Variants in SETMAR observed in about 807,000 individuals in gnomAD.
The protein encoded by SETMAR is SET and mariner transposase domain methyltransferase, also known as histone-lysine N-methyltransferase SETMAR.
Under a neutral mutation model 58.4 loss-of-function variants are expected in SETMAR, and 44 were observed. The ratio of observed to expected loss-of-function variants is 0.75; its 90% CI spans 0.59 to 0.97. The LOEUF is 0.97. Ranked by LOEUF, SETMAR falls within the 50% of genes least tolerant of loss-of-function variation. The probability of loss-of-function intolerance (pLI) is 0.00; values close to 1 mark genes in which losing one functional copy is unlikely to be tolerated. For missense variants in SETMAR, 903 were observed against 840.2 expected (o/e 1.07, Z -0.92); for synonymous variants, 332 against 307.4 (o/e 1.08, Z -0.84).
rs199895009 is a variant in SETMAR at position 4,313,861 on chromosome 3, ATG to A, written c.1020+103_1020+104del. 5.3e-5 allele frequency: 83 copies of A among 1,557,802 alleles called. 1 individual carries two copies. In the East Asian group the frequency reaches 1.8e-3, roughly 34 times the overall value. On this transcript the variant is annotated intron_variant, in intron 2 of 2. Transcript: ENST00000358065. ...CTAGTTACATAAGTTTAACTCAGGA[ATG>A]TGGCAGAGACTGCAAGTTGTCCATC...
At chr3:4,311,353 A>C (rs1308833578) in intron 1 of SETMAR, among the ~76,000 whole-genome samples, 2 of 152,220 alleles carry the variant, frequency 1.3e-5, no homozygotes, top group South Asian at 4.1e-4. Flanking sequence ...GACGTGGTGC[A>C]AACATTCCTT....
chr3:4,316,977 C>A lies in SETMAR; in HGVS notation c.1786C>A (p.Gln596Lys). The A allele has an allele frequency of 6.5e-7, 1 of 1,549,408 alleles. No individual in the cohort carries two copies. The highest frequency in any genetic ancestry group is 8.7e-7 in the Non-Finnish European group (1 of 1,146,754). The change falls in exon 3 of 3, where the codon CAA (glutamine) becomes AAA (lysine). Residue 596 changes from glutamine (Q) to lysine (K), a missense_variant. Transcript: ENST00000358065. ...CGACAATGCCCGACCGCATGTTGCACAACCCACACTTCAAAAGTTGAATGA... is the reference window on the plus strand; with the variant it reads ...CGACAATGCCCGACCGCATGTTGCAAAACCCACACTTCAAAAGTTGAATGA... ...LHDNARPHVA[Q>K]PTLQKLNELG...
rs76072189 is a variant in SETMAR at position 4,307,808 on chromosome 3, G to A, written c.156+4282G>A. On this transcript the variant is annotated intron_variant, in intron 1 of 2. Coordinates refer to ENST00000358065, the MANE Select transcript of SETMAR (RefSeq NM_006515.4). ...TCCCAACCCTTTTGGAGGCCAAGGCGGGAGAATCACTTGAAGTCAGGAGTT... is the reference window on the plus strand; with the variant it reads ...TCCCAACCCTTTTGGAGGCCAAGGCAGGAGAATCACTTGAAGTCAGGAGTT... Among the ~76,000 whole-genome samples, 811 of 152,194 alleles carry A rather than the reference G, an allele frequency of 5.3e-3. 9 individuals are homozygous for A. Among genetic ancestry groups the A allele is most frequent in the African/African-American group, 0.018 (766 of 41,530 alleles).
At position 4,316,383 on chromosome 3, in the gene SETMAR, G is replaced by A. The variant is rs377215964; in HGVS notation, c.1192G>A (p.Glu398Lys). Residue 398 changes from glutamate (E) to lysine (K), a missense_variant, in exon 3 of 3, where the codon GAG becomes AAG. By Grantham distance (56) the Glu-to-Lys change is moderately conservative. Transcript: ENST00000358065. ...GTTCAAGAAGTTTTGCAAAGGAGAT[G>A]AGAGCCTTGAAGATGAGGAGCGTAG... is the stretch of plus-strand genomic sequence containing the variant. ...WWFKKFCKGD[E>K]SLEDEERSGR... 10 of 1,557,862 alleles carry A rather than the reference G, an allele frequency of 6.4e-6. No homozygotes were observed. The African/African-American group carries it at 1.2e-4, about 19-fold the overall frequency.
intron 1 of SETMAR, among the ~76,000 whole-genome samples, chr3:4,308,363 T>C (rs984877481): frequency 6.6e-6 from 1 of 152,152 alleles, no homozygotes; most frequent in Non-Finnish European, 1.5e-5. Flanking sequence ...AAGCCAGTTC[T>C]GTCATGTTTT....
chr3:4,308,925 G>A (rs1698297880), intron 1 of SETMAR, among the ~76,000 whole-genome samples: 1 of 152,204 alleles, frequency 6.6e-6, no homozygotes, highest in Non-Finnish European at 1.5e-5. Flanking sequence ...AGGAGATCCT[G>A]AGAACATGTA....
At chr3:4,312,453 T>G (rs1438494470) in intron 1 of SETMAR, among the ~76,000 whole-genome samples, 1 of 152,082 alleles carries the variant, frequency 6.6e-6, no homozygotes. Flanking sequence ...CATATATATG[T>G]CCTTATGTGT....
intron 1 of SETMAR, among the ~76,000 whole-genome samples, chr3:4,310,554 T>G (rs946444352): frequency 6.6e-6 from 1 of 152,206 alleles, no homozygotes; most frequent in Non-Finnish European, 1.5e-5. Flanking sequence ...CTGTTTTCTT[T>G]TGGAAGATAT....
chr3:4,315,491 A>G (rs951172279), intron 2 of SETMAR, among the ~76,000 whole-genome samples: 2 of 152,146 alleles, frequency 1.3e-5, no homozygotes, highest in African/African-American at 4.8e-5. Flanking sequence ...CTGACTGAAT[A>G]TGGACCCCTG....
chr3:4,307,087 C>A (rs1051717637), intron 1 of SETMAR, among the ~76,000 whole-genome samples: 1 of 152,166 alleles, frequency 6.6e-6, no homozygotes, highest in Admixed American at 6.5e-5. Flanking sequence ...AGGCCAAGTA[C>A]AAAGATTCTT....
intron 1 of SETMAR, among the ~76,000 whole-genome samples, chr3:4,309,548 A>T (rs1698321792): frequency 6.6e-6 from 1 of 152,192 alleles, no homozygotes. Context: ...AAATCAGAAA[A>T]GTCCAAGTGG....
chr3:4,316,212 A>G lies in SETMAR; in HGVS notation c.1021A>G (p.Thr341Ala), dbSNP rs532809893. The G allele has an allele frequency of 8.6e-6, 6 of 695,056 alleles. No homozygotes were observed. In the African/African-American group the frequency reaches 1.1e-4, roughly 12 times the overall value. The allele number at this position is 695,056 out of a possible 1,614,324, so 43.1% of individuals were successfully genotyped here. ...TACTTGCTGTTTATGTTTATTTTAG[A>G]CTATGAAAATGATGTTAGACAAAAA... is the stretch of plus-strand genomic sequence containing the variant. ...FPSCKRLTLE[T>A]MKMMLDKKQI... Residue 341 changes from threonine (T) to alanine (A), a missense_variant and splice_region_variant, in exon 3 of 3, where the codon ACT (threonine) becomes GCT (alanine). Thr to Ala is a moderately conservative substitution (Grantham distance 58). Transcript: ENST00000358065.
Position 4,317,196 on chromosome 3 carries a change from AT to A in SETMAR, c.2008del (p.Ser670LeufsTer?), listed in dbSNP as rs780536045. On this transcript the variant is annotated frameshift_variant, in exon 3 of 3. Coordinates refer to ENST00000358065, the MANE Select transcript of SETMAR (RefSeq NM_006515.4). LOFTEE classifies it high-confidence loss of function. ...DFYATGINQL[I>X]SRWQKCVDCN... ...TTACGCTACAGGAATAAACCAACTT[AT>A]TTCTCGTTGGCAAAAATGTGTTGAT... The A allele has an allele frequency of 1.2e-5, 18 of 1,549,322 alleles. No individual in the cohort carries two copies. The highest frequency in any genetic ancestry group is 1.6e-5 in the Non-Finnish European group (18 of 1,146,106).
chr3:4,304,276 G>T (rs1266236537), intron 1 of SETMAR, among the ~76,000 whole-genome samples: 1 of 152,166 alleles, frequency 6.6e-6, no homozygotes, highest in Non-Finnish European at 1.5e-5. Flanking sequence ...CGAGTAGCTG[G>T]GATTACAGGC....
At chr3:4,304,899 G>T (rs150334092) in intron 1 of SETMAR, among the ~76,000 whole-genome samples, 11 of 152,008 alleles carry the variant, frequency 7.2e-5, no homozygotes, top group Non-Finnish European at 1.5e-5. Context: ...ATGTTTGGGA[G>T]AGAGGAGACG....
chr3:4,310,962 A>G (rs1318674531), intron 1 of SETMAR, among the ~76,000 whole-genome samples: 2 of 152,246 alleles, frequency 1.3e-5, no homozygotes, highest in Non-Finnish European at 2.9e-5. Flanking sequence ...AGCTGAAAGT[A>G]GATTCTCTAT....
At chr3:4,304,214 C>T (rs13100091) in intron 1 of SETMAR, 43,487 of 153,100 alleles carry the variant, frequency 0.28, 7,338 homozygotes, top group Non-Finnish European at 0.39. Flanking sequence ...CGATCTCGGC[C>T]CACCGCAACC....
rs1224420743 is a variant in SETMAR, at chr3:4,316,262, C to G, written c.1071C>G (p.Phe357Leu). 1.2e-6 allele frequency: 1 copy of G among 820,024 alleles called. No individual in the cohort carries two copies. Among genetic ancestry groups the G allele is most frequent in the African/African-American group, 1.7e-5 (1 of 59,092 alleles). The allele number at this position is 820,024 out of a possible 1,614,324, so 50.8% of individuals were successfully genotyped here. A position where few individuals can be genotyped will look rare whatever the true frequency, so the allele number is the denominator to read the frequency against. ...AGCAAATTCGAGCAATTTTCTTATT[C>G]GAGTTCAAAATGGGTCGTAAAGCAG... is the stretch of plus-strand genomic sequence containing the variant. ...DKKQIRAIFL[F>L]EFKMGRKAAE... Residue 357 changes from phenylalanine (F) to leucine (L), a missense_variant, in exon 3 of 3, where the codon TTC becomes TTG. Phe to Leu is a conservative substitution (Grantham distance 22, BLOSUM62 0). Transcript: ENST00000358065.
intron 2 of SETMAR, 125 bp downstream of exon 2, chr3:4,313,886 A>G (rs1279324475): frequency 1.3e-6 from 2 of 1,490,488 alleles, no homozygotes; most frequent in East Asian, 4.6e-5. Flanking sequence ...CAAGTTGTCC[A>G]TCAGTATCCT....
Sources: gnomAD v4.1 joint callset for allele counts (sites outside exome capture counted in the v4.1 genomes callset) on GRCh38, gnomAD v4.1.1 for gene constraint, MANE v1.5 for transcripts, NCBI Gene and HGNC (gene_info 2026-07-23, HGNC 2026-07-21) for gene names.